Variants in ZNF362 observed in about 807,000 individuals in gnomAD.
ZNF362 encodes the protein rotund homolog.
In ZNF362, 11 loss-of-function variants were observed where a neutral mutation model predicts 42.9. The ratio of observed to expected loss-of-function variants is 0.26; its 90% CI spans 0.16 to 0.42. The LOEUF is 0.42. ZNF362 is among the 20% of genes least tolerant of loss of function. ZNF362 has a pLI of 1.00. For missense variants in ZNF362, 362 were observed against 576.2 expected (o/e 0.63, Z 3.81); for synonymous variants, 255 against 257.3 (o/e 0.99, Z 0.09).
the ZNF362 span, among the ~76,000 whole-genome samples, chr1:33,189,718 TACATACACAC>T: frequency 1.6e-4 from 20 of 125,648 alleles, no homozygotes; most frequent in South Asian, 2.6e-4. Context: ...CGTATATATA[TACATACACAC>T]ATACACATAT....
chr1:33,225,222 T>TCACC, the ZNF362 span, among the ~76,000 whole-genome samples: 1 of 152,190 alleles, frequency 6.6e-6, no homozygotes, highest in Non-Finnish European at 1.5e-5. Context: ...TTCTCAAATG[T>TCACC]CACCATTCCA....
the ZNF362 span, among the ~76,000 whole-genome samples, chr1:33,131,400 G>A: frequency 6.6e-6 from 1 of 152,128 alleles, no homozygotes; most frequent in African/African-American, 2.4e-5. Context: ...GGGCTCTGAG[G>A]GTCTAAATCT....
rs1373571646 is a variant in ZNF362 at position 33,266,333 on chromosome 1, G to GTATA, written c.-88-4153_-88-4150dup. On this transcript the variant is annotated intron_variant, in intron 1 of 8. Transcript: ENST00000539719. The surrounding 1 kb of genome is among the most constrained non-coding windows in gnomAD (Gnocchi z 4.3). ...AGTGAACATCTGTTGAGTACCCAGTGTATACTAGGCACTTGAGGCCCTACT... is the reference window on the plus strand; with the variant it reads ...AGTGAACATCTGTTGAGTACCCAGTGTATATATACTAGGCACTTGAGGCCCTACT... Among the ~76,000 whole-genome samples the GTATA allele has an allele frequency of 6.6e-6, 1 of 152,232 alleles. No individual in the cohort carries two copies. Among genetic ancestry groups the GTATA allele is most frequent in the Non-Finnish European group, 1.5e-5 (1 of 68,038 alleles).
At chr1:33,258,260 G>A (rs1352939769) in intron 1 of ZNF362, among the ~76,000 whole-genome samples, 3 of 152,164 alleles carry the variant, frequency 2.0e-5, no homozygotes, top group African/African-American at 7.2e-5. Context: ...GGGATCTGAA[G>A]GCCAGGCCCA....
At chr1:33,262,652 T>C (rs1032210897) in intron 1 of ZNF362, among the ~76,000 whole-genome samples, 4 of 152,132 alleles carry the variant, frequency 2.6e-5, no homozygotes, top group Non-Finnish European at 2.9e-5. Context: ...CATTCCAGGT[T>C]CTGGGGCTCT....
the ZNF362 span, among the ~76,000 whole-genome samples, chr1:33,131,217 C>T: frequency 6.6e-6 from 1 of 152,220 alleles, no homozygotes; most frequent in Non-Finnish European, 1.5e-5. Flanking sequence ...GTATGGTATA[C>T]CATTCTCCTC....
chr1:33,287,826 G>A (rs1359228493), intron 6 of ZNF362, among the ~76,000 whole-genome samples: 1 of 152,164 alleles, frequency 6.6e-6, no homozygotes, highest in East Asian at 1.9e-4. Flanking sequence ...TAAAATCCCT[G>A]TACAGTGTGA....
the ZNF362 span, among the ~76,000 whole-genome samples, chr1:33,138,846 T>C: frequency 2.6e-5 from 4 of 152,046 alleles, no homozygotes; most frequent in African/African-American, 9.7e-5. Flanking sequence ...ATAATTTCAT[T>C]TGTAGGAGCC....
Position 33,295,168 on chromosome 1 carries a change from A to G in ZNF362, c.1009A>G (p.Lys337Glu). 6.2e-7 allele frequency: 1 copy of G among 1,613,882 alleles called. No homozygotes were observed. The highest frequency in any genetic ancestry group is 1.1e-5 in the South Asian group (1 of 91,058). The change falls in exon 8 of 9, where the codon AAG (lysine) becomes GAG (glutamate). Residue 337 changes from lysine (K) to glutamate (E), a missense_variant. By Grantham distance (56) the Lys-to-Glu change is moderately conservative (BLOSUM62 1). Transcript: ENST00000539719. Reference protein sequence around the residue: ...NLQSHQRQHNKDKPYKCPNCY... With the variant: ...NLQSHQRQHNEDKPYKCPNCY... The stretch of plus-strand genomic sequence containing the variant: ...ACAGTCTCACCAGCGCCAGCACAAC[A>G]AGGACAAGCCCTACAAGTGTCCCAA...
the ZNF362 span, among the ~76,000 whole-genome samples, chr1:33,226,398 A>C: frequency 2.6e-5 from 4 of 152,230 alleles, no homozygotes; most frequent in African/African-American, 9.6e-5. Context: ...TTTCACATGA[A>C]TATTCATAGC....
chr1:33,288,165 A>G (rs1646045475), intron 6 of ZNF362, among the ~76,000 whole-genome samples: 1 of 152,224 alleles, frequency 6.6e-6, no homozygotes, highest in Non-Finnish European at 1.5e-5. Flanking sequence ...AGAGGGGGAA[A>G]CTGAGGCTGA....
At chr1:33,159,728 G>T in the ZNF362 span, 1 of 1,611,946 alleles carries the variant, frequency 6.2e-7, no homozygotes, top group Non-Finnish European at 8.5e-7. This position sits in a 1 kb window ranked among gnomAD's most constrained non-coding sequence, Gnocchi z 4.2. Context: ...AAGGTGTGCC[G>T]GTCGGTTTCA....
chr1:33,200,172 G>C, the ZNF362 span: 1 of 152,214 alleles, frequency 6.6e-6, no homozygotes, highest in Non-Finnish European at 1.5e-5. Context: ...CTTGAAGGTA[G>C]GCTGTTGTCT....
chr1:33,201,157 C>T, the ZNF362 span, among the ~76,000 whole-genome samples: 23 of 152,108 alleles, frequency 1.5e-4, no homozygotes, highest in Non-Finnish European at 2.1e-4. Flanking sequence ...ACTGATAGAA[C>T]GAACTGCAAG....
the ZNF362 span, among the ~76,000 whole-genome samples, chr1:33,137,446 A>G: frequency 1.3e-3 from 198 of 152,348 alleles, 3 homozygotes; most frequent in African/African-American, 3.9e-3. Flanking sequence ...ATTGGATTCA[A>G]CTAATCATGA....
At chr1:33,213,381 T>C in the ZNF362 span, among the ~76,000 whole-genome samples, 2 of 152,206 alleles carry the variant, frequency 1.3e-5, no homozygotes, top group Non-Finnish European at 2.9e-5. Context: ...ACTTTAAGTA[T>C]GGGCAGTTTA....
chr1:33,153,893 G>A, the ZNF362 span, among the ~76,000 whole-genome samples: 1 of 152,166 alleles, frequency 6.6e-6, no homozygotes, highest in Non-Finnish European at 1.5e-5. Context: ...ATCAGACCTG[G>A]CCCCTGACCC....
the ZNF362 span, among the ~76,000 whole-genome samples, chr1:33,209,544 G>C: frequency 6.6e-6 from 1 of 152,094 alleles, no homozygotes; most frequent in South Asian, 2.1e-4. Context: ...CTGTGACTCC[G>C]TCTGGTCCTG....
chr1:33,175,445 G>A, the ZNF362 span, among the ~76,000 whole-genome samples: 3 of 152,178 alleles, frequency 2.0e-5, no homozygotes, highest in Non-Finnish European at 4.4e-5. Context: ...GAAGGTAAAT[G>A]GTACTGGGAA....
Sources: gnomAD v4.1 joint callset for allele counts (sites outside exome capture counted in the v4.1 genomes callset) on GRCh38, gnomAD v4.1.1 for gene constraint, Gnocchi (gnomAD v3.1) non-coding constraint, MANE v1.5 for transcripts, NCBI Gene and HGNC (gene_info 2026-07-23, HGNC 2026-07-21) for gene names.